SLC25A25: variants seen among roughly 807,000 people sequenced by gnomAD.
SLC25A25 encodes the protein solute carrier family 25 member 25.
A neutral mutation model predicts 57.7 loss-of-function variants in SLC25A25; 32 were observed. That is an observed-to-expected ratio of 0.55 (90% confidence interval 0.42 to 0.74). The LOEUF (loss-of-function observed/expected upper bound fraction) is 0.74. SLC25A25 is among the 30% of genes least tolerant of loss of function. The pLI is 0.00. For missense variants in SLC25A25, 556 were observed against 701.3 expected, an observed-to-expected ratio of 0.79 and a Z score of 2.34; for synonymous variants, 306 against 291.2, an observed-to-expected ratio of 1.05 and a Z score of -0.52.
chr9:128,106,393 A>G lies in SLC25A25; in HGVS notation c.1085A>G (p.Tyr362Cys). The change falls in exon 9 of 11, where the codon TAC becomes TGC. Residue 362 changes from tyrosine (Y) to cysteine (C), a missense_variant. Physicochemically the swap from Tyr to Cys is radical, Grantham distance 194 (BLOSUM62 -2). This residue lies in a region of SLC25A25 where 294 missense variants were observed against 389.6 expected (regional missense o/e 0.75). Coordinates refer to ENST00000373069, the MANE Select transcript of SLC25A25 (RefSeq NM_001330988.2). ...TRMALRKTGQYSGMLDCARRI... is the reference protein window; with the variant it reads ...TRMALRKTGQCSGMLDCARRI... ...ATGGCGCTGCGGAAGACAGGCCAGTACTCAGGAATGCTGGACTGCGCCAGG... is the reference window on the plus strand; with the variant it reads ...ATGGCGCTGCGGAAGACAGGCCAGTGCTCAGGAATGCTGGACTGCGCCAGG... The G allele has an allele frequency of 6.2e-7, 1 of 1,613,766 alleles. No homozygotes were observed. Among genetic ancestry groups the G allele is most frequent in the Non-Finnish European group, 8.5e-7 (1 of 1,179,914 alleles).
rs972748318 is a variant in SLC25A25 at position 128,095,458 on chromosome 9, C to G, written c.262-5638C>G. Among the ~76,000 whole-genome samples, 10 of 152,172 alleles carry G rather than the reference C, an allele frequency of 6.6e-5. No homozygotes were observed. The highest frequency in any genetic ancestry group is 1.4e-4 in the African/African-American group (6 of 41,434). On this transcript the variant is annotated intron_variant, in intron 1 of 10. Transcript: ENST00000373069. The surrounding 1 kb of genome is among the most constrained non-coding windows in gnomAD (Gnocchi z 4.4). ...ACAGTCTGCAGTTCCAGGAATACAG[C>G]AGTTGTCCTGGACACTAGCACCTAG...
rs1834036528 is a variant in SLC25A25 at position 128,106,388 on chromosome 9, C to G, written c.1080C>G (p.Gly360=). 2 of 1,613,770 alleles carry G rather than the reference C, an allele frequency of 1.2e-6. No homozygotes were observed. Among genetic ancestry groups the G allele is most frequent in the Non-Finnish European group, 1.7e-6 (2 of 1,179,918 alleles). ...LKTRMALRKT[G]QYSGMLDCAR... ...CCCGGATGGCGCTGCGGAAGACAGGCCAGTACTCAGGAATGCTGGACTGCG... is the reference window on the plus strand; with the variant it reads ...CCCGGATGGCGCTGCGGAAGACAGGGCAGTACTCAGGAATGCTGGACTGCG... Residue 360 remains glycine (G), a synonymous_variant, in exon 9 of 11, where the codon GGC becomes GGG. Transcript: ENST00000373069.
At chr9:128,087,233 C>T (rs1275548461) in intron 1 of SLC25A25, among the ~76,000 whole-genome samples, 2 of 152,056 alleles carry the variant, frequency 1.3e-5, no homozygotes, top group Non-Finnish European at 2.9e-5. Context: ...CCACCGCGCC[C>T]GGCCCCCAGT....
At chr9:128,080,940 C>T (rs1406536751) in intron 1 of SLC25A25, among the ~76,000 whole-genome samples, 1 of 152,140 alleles carries the variant, frequency 6.6e-6, no homozygotes, top group Non-Finnish European at 1.5e-5. Flanking sequence ...AGACAAGGTT[C>T]CTCAGCACCC....
chr9:128,077,279 G>A (rs1340659244), intron 1 of SLC25A25, among the ~76,000 whole-genome samples: 2 of 152,066 alleles, frequency 1.3e-5, no homozygotes, highest in Non-Finnish European at 2.9e-5. Flanking sequence ...TGTAATCCCA[G>A]CACTTTGGGA....
In SLC25A25 at chr9:128,107,275, C is replaced by G. The variant is rs980573033; in HGVS notation, c.1379C>G (p.Ala460Gly). 30 of 1,592,456 alleles carry G rather than the reference C, an allele frequency of 1.9e-5. No homozygotes were observed. The highest frequency in any genetic ancestry group is 2.4e-5 in the Non-Finnish European group (28 of 1,164,982). Residue 460 changes from alanine (A) to glycine (G), a missense_variant, in exon 11 of 11, where the codon GCT becomes GGT. Around this residue, in one of 3 missense-constraint regions of SLC25A25, gnomAD observed 294 missense variants for 389.6 expected, o/e 0.75. Transcript: ENST00000373069. The part of the protein sequence containing the change: ...RMQAQASIEG[A>G]PEVTMSSLFK... ...CATCCTGCAGCCTCTATTGAGGGCG[C>G]TCCGGAGGTGACCATGAGCAGCCTC... is the stretch of plus-strand genomic sequence containing the variant.
intron 6 of SLC25A25, among the ~76,000 whole-genome samples, chr9:128,105,101 T>C (rs1833964244): frequency 1.4e-5 from 2 of 148,018 alleles, no homozygotes; most frequent in African/African-American, 5.0e-5. Flanking sequence ...TCATGTGATC[T>C]GCCCACCTCG....
Position 128,099,149 on chromosome 9 carries a change from G to A in SLC25A25, c.262-1947G>A, listed in dbSNP as rs927626855. The A allele has an allele frequency of 7.3e-6, 9 of 1,226,508 alleles. No individual in the cohort carries two copies. Among genetic ancestry groups the A allele is most frequent in the African/African-American group, 1.6e-5 (1 of 63,276 alleles). 76.0% of individuals were successfully genotyped at this position (1,226,508 alleles called of 1,614,324 possible). ...GGGTGAGGGAGCCTCCCGCCTTCTC[G>A]ACTCTCAGACATCGCTGTGGAACAG... On this transcript the variant is annotated intron_variant, in intron 1 of 10. Coordinates refer to ENST00000373069, the MANE Select transcript of SLC25A25 (RefSeq NM_001330988.2). The surrounding 1 kb of genome is among the most constrained non-coding windows in gnomAD (Gnocchi z 6.8).
At chr9:128,089,632 G>A (rs1833352346) in intron 1 of SLC25A25, among the ~76,000 whole-genome samples, 2 of 90,516 alleles carry the variant, frequency 2.2e-5, no homozygotes, top group Admixed American at 3.5e-4. Context: ...TCTCCAGATT[G>A]TCTTTTTTTT....
intron 1 of SLC25A25, among the ~76,000 whole-genome samples, chr9:128,083,737 C>G (rs888903880): frequency 4.6e-5 from 7 of 150,650 alleles, no homozygotes; most frequent in Admixed American, 1.3e-4. Flanking sequence ...CCAGGATGGC[C>G]TCTATCTCCT....
chr9:128,077,644 CG>C (rs1833048626), intron 1 of SLC25A25, among the ~76,000 whole-genome samples: 1 of 151,624 alleles, frequency 6.6e-6, no homozygotes, highest in Non-Finnish European at 1.5e-5. Flanking sequence ...GGGGTACTGG[CG>C]GGTAGAGAGA....
At chr9:128,092,660 G>A (rs973668070) in intron 1 of SLC25A25, among the ~76,000 whole-genome samples, 1 of 152,180 alleles carries the variant, frequency 6.6e-6, no homozygotes, top group Non-Finnish European at 1.5e-5. Context: ...CGGCCGCTGC[G>A]GGTCTGCCAA....
At chr9:128,080,939 T>G (rs912401702) in intron 1 of SLC25A25, among the ~76,000 whole-genome samples, 1 of 152,162 alleles carries the variant, frequency 6.6e-6, no homozygotes, top group Non-Finnish European at 1.5e-5. Flanking sequence ...AAGACAAGGT[T>G]CCTCAGCACC....
At chr9:128,105,972 T>C in intron 7 of SLC25A25, 91 bp downstream of exon 7, 1 of 1,561,798 alleles carries the variant, frequency 6.4e-7, no homozygotes, top group Non-Finnish European at 8.7e-7. Flanking sequence ...TCCCTGACAC[T>C]TGGAGCCAGC....
Position 128,106,193 on chromosome 9 carries a change from A to G in SLC25A25, c.980A>G (p.His327Arg). The G allele has an allele frequency of 6.2e-7, 1 of 1,614,216 alleles. No individual in the cohort carries two copies. Residue 327 changes from histidine (H) to arginine (R), a missense_variant, in exon 8 of 11, where the codon CAC (histidine) becomes CGC (arginine). By Grantham distance (29) the His-to-Arg change is conservative (BLOSUM62 0). Around this residue, in one of 3 missense-constraint regions of SLC25A25, gnomAD observed 294 missense variants for 389.6 expected, o/e 0.75. Coordinates refer to ENST00000373069, the MANE Select transcript of SLC25A25 (RefSeq NM_001330988.2). Reference protein sequence around the residue: ...VGSDQETLRIHERLVAGSLAG... With the variant: ...VGSDQETLRIRERLVAGSLAG... ...AGTGACCAGGAGACTCTGAGGATTCACGAGAGGCTTGTGGCAGGGTCCTTG... is the reference window on the plus strand; with the variant it reads ...AGTGACCAGGAGACTCTGAGGATTCGCGAGAGGCTTGTGGCAGGGTCCTTG...
chr9:128,098,600 G>A (rs375511161), intron 1 of SLC25A25: 41 of 1,613,932 alleles, frequency 2.5e-5, no homozygotes, highest in Admixed American at 2.0e-4. Context: ...GCCGGTCATC[G>A]GGGAAGCCCA....
chr9:128,082,622 C>T (rs1564180867), intron 1 of SLC25A25, among the ~76,000 whole-genome samples: 1 of 152,150 alleles, frequency 6.6e-6, no homozygotes, highest in Admixed American at 6.6e-5. Context: ...TATCCCCTTG[C>T]ACATTTTGTA....
intron 1 of SLC25A25, among the ~76,000 whole-genome samples, chr9:128,084,869 C>T (rs1833241174): frequency 6.6e-6 from 1 of 152,236 alleles, no homozygotes; most frequent in South Asian, 2.1e-4. Flanking sequence ...CTCCTCTTAA[C>T]CAGATTCTAT....
intron 1 of SLC25A25, among the ~76,000 whole-genome samples, chr9:128,089,966 G>A (rs1259210237): frequency 6.6e-6 from 1 of 152,012 alleles, no homozygotes; most frequent in Non-Finnish European, 1.5e-5. Context: ...ATTTACATGT[G>A]TATGTGTGTA....
Sources: allele counts gnomAD v4.1 joint callset (sites outside exome capture counted in the v4.1 genomes callset), GRCh38; gene constraint gnomAD v4.1.1; regional missense constraint gnomAD v4.1.1; non-coding constraint Gnocchi (gnomAD v3.1); transcripts MANE v1.5; gene names NCBI Gene and HGNC (gene_info 2026-07-23, HGNC 2026-07-21).